AKIP1: variants seen among roughly 807,000 people sequenced by gnomAD.
AKIP1 encodes the protein A-kinase-interacting protein 1.
In AKIP1, 18 loss-of-function variants were observed where a neutral mutation model predicts 22.3. The ratio of observed to expected loss-of-function variants is 0.81; its 90% confidence interval spans 0.56 to 1.19. The LOEUF is 1.19. Among genes scored for constraint, AKIP1 ranks in the 50% most tolerant of loss-of-function variants. The pLI is 0.00. For synonymous variants in AKIP1, 120 were observed against 102.7 expected (o/e 1.17, Z -1.02); for missense variants, 287 against 264.6 (o/e 1.08, Z -0.59).
At chr11:8,918,960 C>G (rs191020365) in intron 5 of AKIP1, among the ~76,000 whole-genome samples, 29 of 152,348 alleles carry the variant, frequency 1.9e-4, no homozygotes, top group African/African-American at 6.7e-4. Context: ...CTTGTCATTA[C>G]TGCTCATCTG....
intron 3 of AKIP1, among the ~76,000 whole-genome samples, chr11:8,914,007 T>A (rs2064439703): frequency 6.6e-6 from 1 of 152,260 alleles, no homozygotes; most frequent in Non-Finnish European, 1.5e-5. Flanking sequence ...CCTCAGAACC[T>A]CTTGGCTTTC....
chr11:8,912,198 CAAAAAA>C (rs57540447), intron 2 of AKIP1, among the ~76,000 whole-genome samples: 1 of 79,604 alleles, frequency 1.3e-5, no homozygotes, highest in African/African-American at 4.3e-5. Context: ...ACCTCCGTCT[CAAAAAA>C]AAAAAAAAAA....
rs1349013547 is a variant in AKIP1 at position 8,911,676 on chromosome 11, G to A, written c.222+5G>A. 6.6e-7 allele frequency: 1 copy of A among 1,520,706 alleles called. No homozygotes were observed. 94.2% of individuals were successfully genotyped at this position (1,520,706 alleles called of 1,614,324 possible). ...CAGCGCGTTCTCCCGGGAGAGGTGA[G>A]GGTCGCTGTGCCGGGGGCCGCCCCA... On this transcript the variant is annotated splice_donor_5th_base_variant and intron_variant, in intron 2 of 5. Coordinates refer to ENST00000309377, the MANE Select transcript of AKIP1 (RefSeq NM_020642.4).
intron 3 of AKIP1, among the ~76,000 whole-genome samples, chr11:8,913,276 C>T (rs529107506): frequency 2.0e-5 from 3 of 151,218 alleles, no homozygotes; most frequent in Admixed American, 2.0e-4. Context: ...TACCTCCTGG[C>T]CTCCTGGTTC....
Position 8,911,581 on chromosome 11 carries a change from T to A in AKIP1, c.132T>A (p.Arg44=). The change falls in exon 2 of 6, where the codon CGT becomes CGA. Residue 44 remains arginine, a synonymous_variant. Coordinates refer to ENST00000309377, the MANE Select transcript of AKIP1 (RefSeq NM_020642.4). ...CGGTGGACTGGCATGCCCTGGAGCG[T>A]CCCAAAGGCTGCATGGGGGTCCTTG... ...RRAVDWHALE[R]PKGCMGVLAR... 6.2e-7 allele frequency: 1 copy of A among 1,610,970 alleles called. No individual in the cohort carries two copies.
intron 4 of AKIP1, among the ~76,000 whole-genome samples, chr11:8,915,195 T>A (rs1254438351): frequency 6.6e-6 from 1 of 152,008 alleles, no homozygotes. Flanking sequence ...CTCCAGCAGG[T>A]TTAAAGAAAA....
intron 3 of AKIP1, among the ~76,000 whole-genome samples, chr11:8,913,906 ATT>A (rs1019079126): frequency 7.9e-5 from 12 of 152,132 alleles, no homozygotes; most frequent in Non-Finnish European, 1.3e-4. Flanking sequence ...AAGGAATAAT[ATT>A]TGTCTTTGGT....
At chr11:8,911,306 C>T (rs1323482588) in intron 1 of AKIP1, 83 bp downstream of exon 1, 12 of 747,732 alleles carry the variant, frequency 1.6e-5, no homozygotes, top group Non-Finnish European at 2.6e-5. Flanking sequence ...GCTGGGCTCC[C>T]GCTGGAGTGT....
intron 4 of AKIP1, among the ~76,000 whole-genome samples, chr11:8,915,347 A>ATTT (rs146108642): frequency 2.9e-5 from 3 of 105,094 alleles, no homozygotes; most frequent in African/African-American, 6.6e-5. Context: ...TAGGGATAGG[A>ATTT]TTTTTTTTTT....
chr11:8,911,235 C>CG lies in AKIP1; in HGVS notation c.-7+12_-7+13insG. On this transcript the variant is annotated intron_variant, in intron 1 of 5. Transcript: ENST00000309377. ...GACGAGTGAGCCGGGTGAGGGGGCT[C>CG]CCTAAGTAGCGGAAGGGGTAGATGA... The CG allele has an allele frequency of 5.2e-6, 3 of 571,708 alleles. No homozygotes were observed. Among genetic ancestry groups the CG allele is most frequent in the South Asian group, 4.4e-5 (2 of 45,508 alleles). The allele number at this position is 571,708 out of a possible 1,614,324, so 35.4% of individuals were successfully genotyped here.
rs772589646 is a variant in AKIP1 at position 8,913,178 on chromosome 11, C to CT, written c.303+661dup. Among the ~76,000 whole-genome samples the CT allele has an allele frequency of 9.2e-4, 122 of 133,260 alleles. 1 individual carries two copies. The highest frequency in any genetic ancestry group is 4.9e-3 in the Middle Eastern group (1 of 206). The allele number at this position is 133,260 out of a possible 152,430, so 87.4% of individuals were successfully genotyped here. On this transcript the variant is annotated intron_variant, in intron 3 of 5. Coordinates refer to ENST00000309377, the MANE Select transcript of AKIP1 (RefSeq NM_020642.4). ...ACAGGTGTGAGCCACCGTGCCCGAC[C>CT]TTTTTTTTTTTTTTTTAATTGAGAC...
intron 4 of AKIP1, among the ~76,000 whole-genome samples, chr11:8,915,997 T>C (rs1489913440): frequency 2.0e-5 from 3 of 152,048 alleles, no homozygotes; most frequent in East Asian, 1.9e-4. Flanking sequence ...ATTTTTTGTA[T>C]TTTTAGTGGA....
intron 3 of AKIP1, among the ~76,000 whole-genome samples, chr11:8,914,320 C>T (rs998304742): frequency 5.3e-5 from 8 of 152,184 alleles, no homozygotes; most frequent in Non-Finnish European, 1.2e-4. Context: ...CCCTCCACTC[C>T]CCCACGCGCA....
At chr11:8,916,637 A>G (rs1361028974) in intron 4 of AKIP1, among the ~76,000 whole-genome samples, 1 of 152,138 alleles carries the variant, frequency 6.6e-6, no homozygotes, top group Non-Finnish European at 1.5e-5. Flanking sequence ...GGGCACAGGG[A>G]CATGAGCAAG....
chr11:8,912,871 C>CTT (rs71059196), intron 3 of AKIP1, among the ~76,000 whole-genome samples: 20,051 of 91,352 alleles, frequency 0.22, 3,755 homozygotes, highest in Middle Eastern at 0.33. Context: ...TTTTTTTTAA[C>CTT]TTTTTTTTTT....
intron 3 of AKIP1, among the ~76,000 whole-genome samples, chr11:8,914,476 T>C (rs924556254): frequency 6.6e-6 from 1 of 152,160 alleles, no homozygotes; most frequent in Non-Finnish European, 1.5e-5. Flanking sequence ...TCATCCACAT[T>C]TTTTAGGGGA....
chr11:8,911,758 T>C, intron 2 of AKIP1, 87 bp downstream of exon 2: 2 of 1,302,878 alleles, frequency 1.5e-6, no homozygotes, highest in Non-Finnish European at 2.1e-6. Context: ...CAGAAGCAGC[T>C]GAGGAAACCT....
chr11:8,911,390 G>A, intron 1 of AKIP1, 54 bp from the exon 2 acceptor site: 1 of 1,477,600 alleles, frequency 6.8e-7, no homozygotes, highest in Non-Finnish European at 9.1e-7. Flanking sequence ...TTTGGAGCAG[G>A]GTCGCCGCGG....
chr11:8,912,446 C>G lies in AKIP1; in HGVS notation c.223-7C>G. The G allele has an allele frequency of 1.2e-6, 2 of 1,611,716 alleles. No individual in the cohort carries two copies. The highest frequency in any genetic ancestry group is 1.7e-6 in the Non-Finnish European group (2 of 1,177,804). ...GCTAACCTGTGACGTGCCATTTATT[C>G]AAATAGAGAGAAGAGAGACCCCCAA... On this transcript the variant is annotated splice_polypyrimidine_tract_variant and splice_region_variant and intron_variant, in intron 2 of 5. Transcript: ENST00000309377.
Sources: allele counts gnomAD v4.1 joint callset (sites outside exome capture counted in the v4.1 genomes callset), GRCh38; gene constraint gnomAD v4.1.1; transcripts MANE v1.5; gene names NCBI Gene and HGNC (gene_info 2026-07-23, HGNC 2026-07-21).